SPAG17: variants seen among roughly 807,000 people sequenced by gnomAD.
The protein encoded by SPAG17 is sperm-associated antigen 17.
SPAG17 carries 169 observed loss-of-function variants against 273.6 expected under a neutral mutation model. The observed-to-expected ratio is 0.62, with a 90% confidence interval of 0.55 to 0.70. The LOEUF (loss-of-function observed/expected upper bound fraction) is 0.70. Among genes scored for constraint, SPAG17 ranks in the 30% least tolerant of loss-of-function variants. The pLI is 0.00. For synonymous variants in SPAG17, 825 were observed against 873.2 expected (o/e 0.94, Z 0.97); for missense variants, 2,557 against 2,627.8 (o/e 0.97, Z 0.59).
chr1:117,979,115 C>A lies in SPAG17; in HGVS notation c.6004+2155G>T, dbSNP rs552385012. The stretch of plus-strand genomic sequence containing the variant: ...AACTCTTGACCTCAGGTGATCCACC[C>A]GCCTCAGCCTTCCAAAGTGCTGGGA... On this transcript the variant is annotated intron_variant, in intron 43 of 48. Transcript: ENST00000336338. Among the ~76,000 whole-genome samples the A allele has an allele frequency of 1.1e-4, 16 of 152,176 alleles. No homozygotes were observed. In the South Asian group the frequency reaches 3.3e-3, roughly 32 times the overall value.
At chr1:118,149,260 A>C (rs906619971) in intron 3 of SPAG17, among the ~76,000 whole-genome samples, 1 of 152,032 alleles carries the variant, frequency 6.6e-6, no homozygotes, top group African/African-American at 2.4e-5. Flanking sequence ...TTCTAACTTA[A>C]CTCTGGGTTT....
intron 22 of SPAG17, 121 bp from the exon 23 acceptor site, chr1:118,039,565 T>C: frequency 1.0e-6 from 1 of 963,618 alleles, no homozygotes; most frequent in Non-Finnish European, 1.6e-6. Flanking sequence ...AAACACTGCA[T>C]GTTCTCACTT....
In SPAG17 at chr1:118,074,802, C is replaced by T. The variant is rs115105254; in HGVS notation, c.2210-202G>A. On this transcript the variant is annotated intron_variant, in intron 15 of 48. Coordinates refer to ENST00000336338, the MANE Select transcript of SPAG17 (RefSeq NM_206996.4). ...GCCTACCTAGAAAAATTATACTAAG[C>T]TCTTTGAAAAGAACCTAGCTTCTTG... is the stretch of plus-strand genomic sequence containing the variant. Among the ~76,000 whole-genome samples, 649 of 152,360 alleles carry T rather than the reference C, an allele frequency of 4.3e-3. 4 individuals carry two copies. The highest frequency in any genetic ancestry group is 0.015 in the African/African-American group (617 of 41,586).
chr1:118,062,881 A>C (rs1470456840), intron 18 of SPAG17, among the ~76,000 whole-genome samples: 1 of 152,242 alleles, frequency 6.6e-6, no homozygotes, highest in Non-Finnish European at 1.5e-5. Flanking sequence ...TCATAGCCTC[A>C]GTAGTCCATA....
chr1:118,170,904 C>CA lies in SPAG17; in HGVS notation c.87+14166dup, dbSNP rs1216465123. On this transcript the variant is annotated intron_variant, in intron 1 of 48. Coordinates refer to ENST00000336338, the MANE Select transcript of SPAG17 (RefSeq NM_206996.4). The stretch of plus-strand genomic sequence containing the variant: ...GGAGCCAGACTAGAAAGAGCAGAAG[C>CA]AGGCAGGCTAATTAGACTTTGCTCA... 1.5e-3 allele frequency among the ~76,000 whole-genome samples: 236 copies of CA among 152,308 alleles called. 1 individual carries two copies. Among genetic ancestry groups the CA allele is most frequent in the African/African-American group, 5.3e-3 (219 of 41,572 alleles).
At chr1:118,031,087 CTTTGT>C (rs895718983) in intron 25 of SPAG17, among the ~76,000 whole-genome samples, 1 of 142,478 alleles carries the variant, frequency 7.0e-6, no homozygotes, top group Admixed American at 7.1e-5. Context: ...ATCTTTTGAT[CTTTGT>C]TTTATTAGAT....
rs1358010564 is a variant in SPAG17, at chr1:118,085,952, T to A, written c.1732A>T (p.Ile578Phe). The A allele has an allele frequency of 6.2e-7, 1 of 1,610,810 alleles. No homozygotes were observed. The highest frequency in any genetic ancestry group is 8.5e-7 in the Non-Finnish European group (1 of 1,178,890). ...PWNNTKRLAT[I>F]HELMHFCTSD... ...GTACAAAAGTGCATAAGCTCATGAA[T>A]TGTAGCTAGACGTTTAGTGTTGTTC... is the stretch of plus-strand genomic sequence containing the variant. The change falls in exon 13 of 49, where the codon ATT becomes TTT. Residue 578 changes from isoleucine (I) to phenylalanine (F), a missense_variant. Ile to Phe is a conservative substitution (Grantham distance 21, BLOSUM62 0). Transcript: ENST00000336338.
intron 3 of SPAG17, among the ~76,000 whole-genome samples, chr1:118,134,211 C>A (rs1558036117): frequency 6.6e-6 from 1 of 151,924 alleles, no homozygotes; most frequent in Non-Finnish European, 1.5e-5. Flanking sequence ...CTAAATTTAG[C>A]AAAAGGGGGA....
chr1:118,091,845 G>T, intron 9 of SPAG17, 85 bp downstream of exon 9: 1 of 1,437,052 alleles, frequency 7.0e-7, no homozygotes, highest in Non-Finnish European at 9.8e-7. Flanking sequence ...GTGAAGGGAG[G>T]CTGAAAGTAA....
In SPAG17 at chr1:118,081,130, A is replaced by G; in HGVS notation, c.2180T>C (p.Met727Thr). The stretch of plus-strand genomic sequence containing the variant: ...AGACTCATGTTGGGGCTGAGCCTTC[A>G]TGATGCTCTCCTGCTCTAACAGCTG... ...NRQLLEQESIMKAQPQHESLE... is the reference protein window; with the variant it reads ...NRQLLEQESITKAQPQHESLE... The change falls in exon 15 of 49, where the codon ATG becomes ACG. Residue 727 changes from methionine (M) to threonine (T), a missense_variant. Transcript: ENST00000336338. The G allele has an allele frequency of 6.2e-7, 1 of 1,613,890 alleles. No homozygotes were observed. The highest frequency in any genetic ancestry group is 8.5e-7 in the Non-Finnish European group (1 of 1,179,932).
chr1:117,980,136 G>C lies in SPAG17; in HGVS notation c.6004+1134C>G, dbSNP rs2101581184. 2.0e-5 allele frequency among the ~76,000 whole-genome samples: 3 copies of C among 152,342 alleles called. 1 individual carries two copies. Among genetic ancestry groups the C allele is most frequent in the Middle Eastern group, 6.8e-3 (2 of 294 alleles). ...CAATGCCTAGCACACAGTAGGCATT[G>C]AGTAATTATCCACTGAATGAATAAA... is the stretch of plus-strand genomic sequence containing the variant. On this transcript the variant is annotated intron_variant, in intron 43 of 48. Coordinates refer to ENST00000336338, the MANE Select transcript of SPAG17 (RefSeq NM_206996.4).
intron 30 of SPAG17, among the ~76,000 whole-genome samples, chr1:118,008,880 T>C (rs1659180589): frequency 6.6e-6 from 1 of 152,184 alleles, no homozygotes; most frequent in Non-Finnish European, 1.5e-5. Flanking sequence ...AACAACCTTA[T>C]AGTATTATTT....
intron 20 of SPAG17, among the ~76,000 whole-genome samples, chr1:118,047,092 TA>T (rs1650442972): frequency 6.6e-6 from 1 of 152,242 alleles, no homozygotes; most frequent in Admixed American, 6.5e-5. Flanking sequence ...CTCTTGTGAA[TA>T]AAATTTATTA....
chr1:118,132,547 T>C (rs1444094736), intron 3 of SPAG17, among the ~76,000 whole-genome samples: 4 of 152,244 alleles, frequency 2.6e-5, no homozygotes, highest in Non-Finnish European at 4.4e-5. Flanking sequence ...AAAATCTTTC[T>C]GTATTTCAGA....
intron 29 of SPAG17, among the ~76,000 whole-genome samples, chr1:118,014,818 A>G (rs1659806745): frequency 6.6e-6 from 1 of 152,180 alleles, no homozygotes; most frequent in South Asian, 2.1e-4. Flanking sequence ...GAATGGAAAG[A>G]GCTCAGTTTT....
rs552527788 is a variant in SPAG17 at position 118,040,685 on chromosome 1, C to T, written c.3166+45G>A. ...AGAGGGCCCCTGGTTATCTGAAATG[C>T]ATTATTATGTTTCCAATCATTAACC... On this transcript the variant is annotated intron_variant, in intron 22 of 48. Transcript: ENST00000336338. 1.6e-5 allele frequency: 21 copies of T among 1,289,598 alleles called. No homozygotes were observed. The East Asian group carries it at 4.4e-4, about 27-fold the overall frequency. 79.9% of individuals were successfully genotyped at this position (1,289,598 alleles called of 1,614,324 possible).
intron 7 of SPAG17, among the ~76,000 whole-genome samples, chr1:118,094,346 G>A (rs776463516): frequency 2.6e-5 from 4 of 152,158 alleles, no homozygotes; most frequent in Non-Finnish European, 5.9e-5. Flanking sequence ...CACATGCTAA[G>A]GACAACAAAT....
intron 4 of SPAG17, among the ~76,000 whole-genome samples, chr1:118,113,396 T>G: frequency 6.6e-6 from 1 of 152,160 alleles, no homozygotes; most frequent in Non-Finnish European, 1.5e-5. Context: ...AGCATTAACC[T>G]TGATTGTTTC....
In SPAG17 at chr1:118,023,425, A is replaced by G; in HGVS notation, c.3948T>C (p.Asn1316=). ...CAGAAGGAGGACAAATAAGACCTGAATTGGGACTCCTGCTCACAGCACCAT... is the reference window on the plus strand; with the variant it reads ...CAGAAGGAGGACAAATAAGACCTGAGTTGGGACTCCTGCTCACAGCACCAT... ...FADGAVSRSP[N]SGLICPPSEM... Residue 1316 remains asparagine (N), a synonymous_variant, in exon 28 of 49, where the codon AAT becomes AAC. Transcript: ENST00000336338. 6.2e-7 allele frequency: 1 copy of G among 1,611,386 alleles called. No homozygotes were observed.
Sources: allele counts gnomAD v4.1 joint callset (sites outside exome capture counted in the v4.1 genomes callset), GRCh38; gene constraint gnomAD v4.1.1; transcripts MANE v1.5; gene names NCBI Gene and HGNC (gene_info 2026-07-23, HGNC 2026-07-21).